ADGRL2: variants seen among roughly 807,000 people sequenced by gnomAD.
ADGRL2 encodes the protein calcium-independent alpha-latrotoxin receptor 2.
In ADGRL2, 44 loss-of-function variants were observed where a neutral mutation model predicts 157.4. The observed-to-expected ratio is 0.28, with a 90% CI of 0.22 to 0.36. The LOEUF is 0.36. ADGRL2 is among the 10% of genes least tolerant of loss of function. The pLI, the probability that ADGRL2 is intolerant of heterozygous loss-of-function variation, is 1.00. For missense variants in ADGRL2, 1,510 were observed against 1,768.9 expected (o/e 0.85, Z 2.63); for synonymous variants, 585 against 624.7 (o/e 0.94, Z 0.95).
At chr1:81,819,885 A>G (rs1289374865) in intron 1 of ADGRL2, among the ~76,000 whole-genome samples, 1 of 152,074 alleles carries the variant, frequency 6.6e-6, no homozygotes, top group African/African-American at 2.4e-5. Context: ...AAGCTTAGGG[A>G]TATCTGTGCC....
At chr1:81,878,407 T>C (rs2093897078) in intron 2 of ADGRL2, among the ~76,000 whole-genome samples, 1 of 152,210 alleles carries the variant, frequency 6.6e-6, no homozygotes, top group Non-Finnish European at 1.5e-5. Context: ...ATTTATACTA[T>C]CAATGCATGT....
At chr1:81,637,871 T>C (rs1029750954) in intron 3 of ADGRL2, among the ~76,000 whole-genome samples, 5 of 152,044 alleles carry the variant, frequency 3.3e-5, no homozygotes, top group African/African-American at 9.7e-5. Flanking sequence ...CTAGTGAATG[T>C]CCAGTTTGTG....
intron 3 of ADGRL2, among the ~76,000 whole-genome samples, chr1:81,932,992 G>A (rs1411980750): frequency 1.3e-5 from 2 of 152,136 alleles, no homozygotes; most frequent in African/African-American, 2.4e-5. Context: ...GTGAGCCACC[G>A]TGCCTGGCCA....
At chr1:81,713,614 A>G (rs1204179626) in intron 1 of ADGRL2, among the ~76,000 whole-genome samples, 1 of 152,160 alleles carries the variant, frequency 6.6e-6, no homozygotes, top group Non-Finnish European at 1.5e-5. Context: ...AGTTGATCTT[A>G]TTGTCCCCAT....
At chr1:81,871,086 TC>T (rs945099841) in intron 2 of ADGRL2, among the ~76,000 whole-genome samples, 6 of 63,902 alleles carry the variant, frequency 9.4e-5, no homozygotes, top group African/African-American at 2.5e-4. Context: ...CCCTCCCCCC[TC>T]CCCCCACCCC....
rs1273617790 is a variant in ADGRL2 at position 81,481,668 on chromosome 1, G to A, written c.-248+36579G>A. On this transcript the variant is annotated intron_variant, in intron 2 of 24. Transcript: ENST00000370721. ...AGATCTCTGGCACATAGCTAAATAAGGTGAAATGAGGTTACAATGTTCCCT... is the reference window on the plus strand; with the variant it reads ...AGATCTCTGGCACATAGCTAAATAAAGTGAAATGAGGTTACAATGTTCCCT... 3.3e-5 allele frequency among the ~76,000 whole-genome samples: 5 copies of A among 152,098 alleles called. 1 individual carries two copies. The highest frequency in any genetic ancestry group is 1.2e-4 in the African/African-American group (5 of 41,416).
intron 12 of ADGRL2, 42 bp from the exon 13 acceptor site, chr1:81,966,362 G>A: frequency 2.5e-6 from 4 of 1,570,452 alleles, no homozygotes; most frequent in Non-Finnish European, 3.5e-6. Context: ...TTATTAACAA[G>A]CATGTTTTTT....
rs141590903 is a variant in ADGRL2, at chr1:81,626,118, G to A, written c.-143+45138G>A. 5.7e-3 allele frequency among the ~76,000 whole-genome samples: 871 copies of A among 152,248 alleles called. 8 individuals are homozygous for A. Among genetic ancestry groups the A allele is most frequent in the African/African-American group, 0.019 (800 of 41,536 alleles). The stretch of plus-strand genomic sequence containing the variant: ...CAAAACACAGGGGCTTCAACACTCT[G>A]TCACAAAGCCCGATCAGGAACTGGT... On this transcript the variant is annotated intron_variant, in intron 3 of 24. Transcript: ENST00000370721.
intron 1 of ADGRL2, among the ~76,000 whole-genome samples, chr1:81,430,553 C>G (rs1156338255): frequency 6.6e-6 from 1 of 152,104 alleles, no homozygotes; most frequent in Non-Finnish European, 1.5e-5. Flanking sequence ...TAAAAGTTGC[C>G]AGGTCTTCAT....
At chr1:81,426,677 TC>T (rs1248730396) in intron 1 of ADGRL2, 10 of 469,390 alleles carry the variant, frequency 2.1e-5, no homozygotes, top group African/African-American at 1.6e-4. Flanking sequence ...AAGAAAACGT[TC>T]CAGGGGGTTT....
intron 1 of ADGRL2, among the ~76,000 whole-genome samples, chr1:81,436,631 A>G (rs2077414795): frequency 6.6e-6 from 1 of 152,232 alleles, no homozygotes; most frequent in Non-Finnish European, 1.5e-5. Flanking sequence ...GCAGAGGCCC[A>G]GATGAAATCA....
At chr1:81,480,612 A>G (rs918500404) in intron 2 of ADGRL2, among the ~76,000 whole-genome samples, 6 of 152,216 alleles carry the variant, frequency 3.9e-5, no homozygotes, top group Non-Finnish European at 8.8e-5. Context: ...GGAAGTATAC[A>G]TTTTAAAAAT....
At chr1:81,918,355 A>T (rs1341173513) in intron 3 of ADGRL2, among the ~76,000 whole-genome samples, 1 of 152,178 alleles carries the variant, frequency 6.6e-6, no homozygotes, top group African/African-American at 2.4e-5. Context: ...ATGGAGCCAG[A>T]AGCTAGTCTA....
intron 3 of ADGRL2, among the ~76,000 whole-genome samples, chr1:81,681,211 G>C (rs2083106221): frequency 6.6e-6 from 1 of 152,216 alleles, no homozygotes; most frequent in Admixed American, 6.5e-5. Flanking sequence ...TCCTATTTGA[G>C]TCTTTACCAA....
intron 2 of ADGRL2, among the ~76,000 whole-genome samples, chr1:81,578,438 G>A (rs1019618542): frequency 6.6e-6 from 1 of 152,060 alleles, no homozygotes; most frequent in Non-Finnish European, 1.5e-5. Context: ...ATTTTAATGT[G>A]TTTGAACAGA....
At position 81,845,813 on chromosome 1, in the gene ADGRL2, G is replaced by A. The variant is rs944069422; in HGVS notation, c.73+8756G>A. Among the ~76,000 whole-genome samples the A allele has an allele frequency of 5.3e-5, 8 of 151,506 alleles. No individual in the cohort carries two copies. In the East Asian group the frequency reaches 7.8e-4, roughly 15 times the overall value. ...AACTTCAAATAGAAGAGAGAAATTC[G>A]TAGTATAACACTAATCGCAGGTTTA... On this transcript the variant is annotated intron_variant, in intron 2 of 23. Coordinates refer to ENST00000686636, the MANE Select transcript of ADGRL2 (RefSeq NM_001366006.2).
At chr1:81,441,873 T>C (rs1656516359) in intron 1 of ADGRL2, among the ~76,000 whole-genome samples, 1 of 151,980 alleles carries the variant, frequency 6.6e-6, no homozygotes, top group African/African-American at 2.4e-5. Flanking sequence ...AGGGTCTCAC[T>C]GTGCTGCCCA....
At chr1:81,394,885 T>A (rs2076627488) in intron 1 of ADGRL2, among the ~76,000 whole-genome samples, 2 of 45,194 alleles carry the variant, frequency 4.4e-5, no homozygotes, top group Admixed American at 3.1e-4. Context: ...TCTTTTTTAT[T>A]TATTTATTTA....
chr1:81,664,770 A>G (rs770585918), intron 3 of ADGRL2, among the ~76,000 whole-genome samples: 12 of 152,194 alleles, frequency 7.9e-5, no homozygotes, highest in Non-Finnish European at 1.6e-4. Context: ...CTGTCCCTCT[A>G]TAGTCCTAGG....
Sources: allele counts gnomAD v4.1 joint callset (sites outside exome capture counted in the v4.1 genomes callset), GRCh38; gene constraint gnomAD v4.1.1; transcripts MANE v1.5; gene names NCBI Gene and HGNC (gene_info 2026-07-23, HGNC 2026-07-21).